The following GABRB1 variants were observed in gnomAD, a reference collection of about 807,000 sequenced individuals.
GABRB1 encodes gamma-aminobutyric acid receptor subunit beta-1.
GABRB1 carries 17 observed loss-of-function variants against 51.6 expected under a neutral mutation model. The observed-to-expected ratio is 0.33, with a 90% CI of 0.23 to 0.49. The LOEUF is 0.49. GABRB1 is among the 20% of genes least tolerant of loss of function. The pLI is 0.99. For synonymous variants in GABRB1, 247 were observed against 218.9 expected, an observed-to-expected ratio of 1.13 and a Z score of -1.14; for missense variants, 410 against 600.6, an observed-to-expected ratio of 0.68 and a Z score of 3.32.
intron 3 of GABRB1, among the ~76,000 whole-genome samples, chr4:47,035,933 G>T (rs1169344824): frequency 6.6e-6 from 1 of 152,144 alleles, no homozygotes; most frequent in Non-Finnish European, 1.5e-5. Flanking sequence ...TGATTACCAA[G>T]TAGGAGTTCC....
intron 4 of GABRB1, among the ~76,000 whole-genome samples, chr4:47,263,719 G>T (rs1426406058): frequency 2.0e-5 from 3 of 152,266 alleles, no homozygotes; most frequent in East Asian, 1.9e-4. Context: ...TACTTTGTAG[G>T]TTAGAAGTCT....
intron 4 of GABRB1, among the ~76,000 whole-genome samples, chr4:47,266,334 T>C (rs1229569824): frequency 6.6e-6 from 1 of 152,172 alleles, no homozygotes; most frequent in African/African-American, 2.4e-5. Context: ...TGCCTAGTAA[T>C]ATATTTTGAA....
At chr4:47,026,537 AAACAATATATTACCGGT>A (rs1725101811) in intron 1 of GABRB1, among the ~76,000 whole-genome samples, 1 of 152,090 alleles carries the variant, frequency 6.6e-6, no homozygotes, top group Non-Finnish European at 1.5e-5. Context: ...GATGCTCTAC[AAACAATATATTACCGGT>A]AACAGGCTTA....
intron 3 of GABRB1, among the ~76,000 whole-genome samples, chr4:47,066,035 T>C (rs909267904): frequency 6.6e-6 from 1 of 152,160 alleles, no homozygotes; most frequent in African/African-American, 2.4e-5. Flanking sequence ...ATTAATCAAC[T>C]ATAAGATGTA....
chr4:47,356,156 G>A (rs1000757910), intron 5 of GABRB1, among the ~76,000 whole-genome samples: 4 of 152,168 alleles, frequency 2.6e-5, no homozygotes, highest in African/African-American at 7.2e-5. Flanking sequence ...TCCCCAAAGG[G>A]TTTGTAAACC....
At chr4:47,018,628 A>T (rs1724818011) in intron 1 of GABRB1, among the ~76,000 whole-genome samples, 1 of 152,180 alleles carries the variant, frequency 6.6e-6, no homozygotes. Flanking sequence ...CAAGCAGTTG[A>T]TTGACACATA....
At chr4:47,097,011 A>G (rs1300230478) in intron 3 of GABRB1, among the ~76,000 whole-genome samples, 1 of 152,136 alleles carries the variant, frequency 6.6e-6, no homozygotes, top group Non-Finnish European at 1.5e-5. Context: ...GTAGAAAACT[A>G]CCACAGTTGG....
intron 3 of GABRB1, among the ~76,000 whole-genome samples, chr4:47,126,216 T>C (rs958363589): frequency 2.0e-5 from 3 of 152,096 alleles, no homozygotes; most frequent in Non-Finnish European, 4.4e-5. Flanking sequence ...TAATCTCACA[T>C]ATATGTAGAA....
intron 3 of GABRB1, among the ~76,000 whole-genome samples, chr4:47,113,386 CAAAAAAA>C (rs760542350): frequency 9.3e-5 from 10 of 107,096 alleles, no homozygotes; most frequent in Non-Finnish European, 2.0e-4. Flanking sequence ...ACTTCGTCTC[CAAAAAAA>C]AAAAAAAAAA....
chr4:47,116,711 TG>T (rs942556103), intron 3 of GABRB1, among the ~76,000 whole-genome samples: 5 of 152,200 alleles, frequency 3.3e-5, no homozygotes, highest in Non-Finnish European at 4.4e-5. Context: ...TACTTTTCTT[TG>T]GGCAAGTGTA....
intron 5 of GABRB1, among the ~76,000 whole-genome samples, chr4:47,345,298 A>G (rs188236159): frequency 2.0e-4 from 31 of 152,288 alleles, no homozygotes; most frequent in African/African-American, 6.3e-4. Context: ...GAGGGCCCCT[A>G]TCCTCCCTAA....
chr4:47,229,784 A>G (rs965371925), intron 4 of GABRB1, among the ~76,000 whole-genome samples: 5 of 152,110 alleles, frequency 3.3e-5, no homozygotes, highest in Non-Finnish European at 5.9e-5. Flanking sequence ...AGGGTGATGA[A>G]GGCACAAGTT....
At chr4:47,080,322 C>T (rs570842020) in intron 3 of GABRB1, among the ~76,000 whole-genome samples, 2 of 151,586 alleles carry the variant, frequency 1.3e-5, no homozygotes, top group East Asian at 1.9e-4. Flanking sequence ...GAAGTAGGGT[C>T]CTGTCTTGAA....
intron 5 of GABRB1, among the ~76,000 whole-genome samples, chr4:47,366,475 T>C (rs1195857116): frequency 3.3e-5 from 5 of 152,224 alleles, no homozygotes; most frequent in Non-Finnish European, 7.3e-5. Flanking sequence ...CTCATTATGC[T>C]ACCCACTGGT....
At chr4:47,317,744 G>A (rs1724943181) in intron 4 of GABRB1, among the ~76,000 whole-genome samples, 4 of 151,860 alleles carry the variant, frequency 2.6e-5, no homozygotes, top group African/African-American at 9.6e-5. Context: ...GAAAGAGGTA[G>A]GGTTTTTCTT....
At chr4:47,229,706 T>A (rs570465550) in intron 4 of GABRB1, among the ~76,000 whole-genome samples, 10 of 152,266 alleles carry the variant, frequency 6.6e-5, no homozygotes, top group Admixed American at 5.9e-4. Context: ...CATATGTATC[T>A]TTACAAGAAG....
intron 3 of GABRB1, among the ~76,000 whole-genome samples, chr4:47,082,231 T>C (rs538473786): frequency 7.9e-5 from 12 of 152,054 alleles, no homozygotes; most frequent in Admixed American, 6.6e-4. Context: ...TAACTTATTT[T>C]TAAAAGAAAC....
chr4:47,242,706 A>G (rs1242127943), intron 4 of GABRB1, among the ~76,000 whole-genome samples: 3 of 152,104 alleles, frequency 2.0e-5, no homozygotes, highest in African/African-American at 7.2e-5. Context: ...GTCTGTTCAT[A>G]TCCTTTGCCC....
At chr4:47,004,025 C>T (rs1354355086) in intron 1 of GABRB1, among the ~76,000 whole-genome samples, 1 of 152,090 alleles carries the variant, frequency 6.6e-6, no homozygotes, top group East Asian at 1.9e-4. Context: ...GAGTATTGCT[C>T]TGTCCCCAGG....
Sources: allele counts gnomAD v4.1 joint callset (sites outside exome capture counted in the v4.1 genomes callset), GRCh38; gene constraint gnomAD v4.1.1; transcripts MANE v1.5; gene names NCBI Gene and HGNC (gene_info 2026-07-23, HGNC 2026-07-21).